PCDH7: variants seen among roughly 807,000 people sequenced by gnomAD.
PCDH7 encodes protocadherin-7.
In PCDH7, 17 loss-of-function variants were observed where a neutral mutation model predicts 58.9. The observed-to-expected ratio is 0.29, with a 90% CI of 0.20 to 0.43. The LOEUF (loss-of-function observed/expected upper bound fraction) is 0.43. Among genes scored for constraint, PCDH7 ranks in the 20% least tolerant of loss-of-function variants. PCDH7 has a pLI of 1.00. For missense variants in PCDH7, 1,274 were observed against 1,441.0 expected, an observed-to-expected ratio of 0.88 and a Z score of 1.88; for synonymous variants, 664 against 616.4, an observed-to-expected ratio of 1.08 and a Z score of -1.14.
chr4:30,900,619 G>C (rs1223126401), intron 1 of PCDH7, among the ~76,000 whole-genome samples: 2 of 152,226 alleles, frequency 1.3e-5, no homozygotes, highest in East Asian at 1.9e-4. Flanking sequence ...TCCCAGGACA[G>C]AGAAAGGGTA....
chr4:30,870,166 T>C (rs1330810957), intron 1 of PCDH7, among the ~76,000 whole-genome samples: 1 of 152,178 alleles, frequency 6.6e-6, no homozygotes, highest in Non-Finnish European at 1.5e-5. Flanking sequence ...TTAAGTTTGT[T>C]TTAGGTTCTG....
At chr4:30,958,305 G>A (rs10805301) in intron 3 of PCDH7, among the ~76,000 whole-genome samples, 93,150 of 151,752 alleles carry the variant, frequency 0.61, 29,790 homozygotes, top group African/African-American at 0.81. Context: ...TTACATTTCC[G>A]GAATATATTT....
At chr4:31,066,458 C>T (rs566269985) in intron 3 of PCDH7, among the ~76,000 whole-genome samples, 1 of 152,010 alleles carries the variant, frequency 6.6e-6, no homozygotes, top group East Asian at 1.9e-4. Context: ...TCTAATTTTT[C>T]TCTTCACACT....
At chr4:31,069,580 A>G (rs577572332) in intron 3 of PCDH7, among the ~76,000 whole-genome samples, 1 of 152,074 alleles carries the variant, frequency 6.6e-6, no homozygotes, top group Non-Finnish European at 1.5e-5. Context: ...TTTAATGCCT[A>G]GAATTGTTTT....
Position 30,730,978 on chromosome 4 carries a change from A to G in PCDH7, c.*190A>G, listed in dbSNP as rs943500159. The G allele has an allele frequency of 3.1e-6, 4 of 1,270,084 alleles. No homozygotes were observed. In the South Asian group the frequency reaches 9.1e-5, roughly 29 times the overall value. 78.7% of individuals were successfully genotyped at this position (1,270,084 alleles called of 1,614,324 possible). A position where few individuals can be genotyped will look rare whatever the true frequency, so the allele number is the denominator to read the frequency against. ...AATAGTATGAAAATAAAATAAATGTATGAAACAGTATTAATGCAGAAATGT... is the reference window on the plus strand; with the variant it reads ...AATAGTATGAAAATAAAATAAATGTGTGAAACAGTATTAATGCAGAAATGT... On this transcript the variant is annotated 3_prime_UTR_variant, in exon 2 of 2. Coordinates refer to ENST00000361762, the Ensembl canonical transcript of PCDH7.
chr4:30,968,365 A>AGTG (rs1749210338), intron 3 of PCDH7, among the ~76,000 whole-genome samples: 1 of 128,600 alleles, frequency 7.8e-6, no homozygotes, highest in African/African-American at 2.9e-5. Context: ...CACACTATAT[A>AGTG]TATACACACA....
intron 1 of PCDH7, among the ~76,000 whole-genome samples, chr4:30,729,165 T>C (rs1715099217): frequency 6.6e-6 from 1 of 151,940 alleles, no homozygotes; most frequent in Non-Finnish European, 1.5e-5. Flanking sequence ...TAATGTGGAC[T>C]AGAGTCCAAG....
At chr4:30,856,325 G>A (rs983311320) in intron 1 of PCDH7, among the ~76,000 whole-genome samples, 17 of 151,946 alleles carry the variant, frequency 1.1e-4, no homozygotes, top group African/African-American at 2.9e-4. Context: ...CTCCCACCAC[G>A]TATGTACTGG....
At chr4:30,824,156 T>C (rs1357019304) in intron 1 of PCDH7, among the ~76,000 whole-genome samples, 1 of 144,190 alleles carries the variant, frequency 6.9e-6, no homozygotes, top group African/African-American at 2.6e-5. Context: ...TCTTTCTTTC[T>C]TTCTTTTTGC....
intron 3 of PCDH7, among the ~76,000 whole-genome samples, chr4:31,105,709 AT>A (rs1199716395): frequency 6.6e-6 from 1 of 152,174 alleles, no homozygotes; most frequent in Non-Finnish European, 1.5e-5. Context: ...TAAGCACAGC[AT>A]AGAATAAGTA....
chr4:31,073,103 C>T (rs1185994771), intron 3 of PCDH7, among the ~76,000 whole-genome samples: 1 of 152,030 alleles, frequency 6.6e-6, no homozygotes, highest in Non-Finnish European at 1.5e-5. Flanking sequence ...GTGAGATGAA[C>T]AGTCAAAGCA....
intron 3 of PCDH7, among the ~76,000 whole-genome samples, chr4:30,957,080 C>T (rs4423833): frequency 2.7e-4 from 41 of 152,020 alleles, no homozygotes; most frequent in Non-Finnish European, 5.4e-4. Flanking sequence ...TCAGCAGCTG[C>T]GTAATATGAG....
chr4:31,109,801 T>C (rs1303582834), intron 3 of PCDH7, among the ~76,000 whole-genome samples: 1 of 152,224 alleles, frequency 6.6e-6, no homozygotes, highest in African/African-American at 2.4e-5. Flanking sequence ...GACAATGCCA[T>C]TGGTACATTT....
intron 1 of PCDH7, among the ~76,000 whole-genome samples, chr4:30,887,881 T>G (rs2109379192): frequency 6.6e-6 from 1 of 151,982 alleles, no homozygotes; most frequent in African/African-American, 2.4e-5. Context: ...GTTTTTTTTT[T>G]TTCTTTTTTT....
chr4:30,782,300 AAAAT>A, intron 1 of PCDH7, among the ~76,000 whole-genome samples: 1 of 152,188 alleles, frequency 6.6e-6, no homozygotes, highest in Non-Finnish European at 1.5e-5. Flanking sequence ...TGGATTTAAA[AAAAT>A]AAATGTGAGG....
intron 3 of PCDH7, among the ~76,000 whole-genome samples, chr4:31,074,626 T>TA (rs1279596762): frequency 6.6e-6 from 1 of 150,904 alleles, no homozygotes; most frequent in Admixed American, 6.6e-5. Flanking sequence ...CTACTAAAAA[T>TA]ACAAAAAAAT....
At chr4:30,769,941 G>C (rs1721191991) in intron 1 of PCDH7, among the ~76,000 whole-genome samples, 1 of 152,138 alleles carries the variant, frequency 6.6e-6, no homozygotes, top group Non-Finnish European at 1.5e-5. Flanking sequence ...TTTGTGCTTT[G>C]CACCATTAAT....
At chr4:30,976,575 A>AT (rs779098574) in intron 3 of PCDH7, among the ~76,000 whole-genome samples, 1 of 149,968 alleles carries the variant, frequency 6.7e-6, no homozygotes, top group Non-Finnish European at 1.5e-5. Context: ...TAATTTTTGT[A>AT]TTTTTAGTAG....
chr4:30,726,248 T>G (rs921832956), intron 1 of PCDH7, among the ~76,000 whole-genome samples: 22 of 152,034 alleles, frequency 1.4e-4, no homozygotes, highest in African/African-American at 5.3e-4. Context: ...TAGACATTTC[T>G]CTAGAAAATA....
Sources: allele counts gnomAD v4.1 joint callset (sites outside exome capture counted in the v4.1 genomes callset), GRCh38; gene constraint gnomAD v4.1.1; transcripts MANE v1.5; gene names NCBI Gene and HGNC (gene_info 2026-07-23, HGNC 2026-07-21).